Variants in VAV1 observed in about 807,000 individuals in gnomAD.
VAV1 encodes the protein vav guanine nucleotide exchange factor 1, also known as proto-oncogene vav.
A neutral mutation model predicts 128.1 loss-of-function variants in VAV1; 33 were observed. The ratio of observed to expected loss-of-function variants is 0.26; its 90% CI spans 0.20 to 0.34. VAV1 has a LOEUF of 0.34. VAV1 is among the 10% of genes least tolerant of loss of function. The pLI, the probability that VAV1 is intolerant of heterozygous loss-of-function variation, is 1.00. For missense variants in VAV1, 715 were observed against 1,093.7 expected, an observed-to-expected ratio of 0.65 and a Z score of 4.88; for synonymous variants, 394 against 409.8, an observed-to-expected ratio of 0.96 and a Z score of 0.47.
intron 6 of VAV1, among the ~76,000 whole-genome samples, chr19:6,824,648 C>T (rs1306323661): frequency 2.6e-5 from 4 of 152,064 alleles, no homozygotes; most frequent in African/African-American, 9.7e-5. Context: ...TCTCCTGCTT[C>T]AGCCTCCTGA....
At chr19:6,804,763 G>A (rs548073954) in intron 1 of VAV1, among the ~76,000 whole-genome samples, 36 of 141,152 alleles carry the variant, frequency 2.6e-4, no homozygotes, top group Admixed American at 2.3e-3. Flanking sequence ...TTGCTCTGTC[G>A]CACAGGCTGG....
intron 22 of VAV1, among the ~76,000 whole-genome samples, chr19:6,845,187 C>T (rs1972489073): frequency 6.6e-6 from 1 of 152,012 alleles, no homozygotes; most frequent in African/African-American, 2.4e-5. Context: ...TCAAGACCAG[C>T]CTGGGCAACA....
intron 1 of VAV1, among the ~76,000 whole-genome samples, chr19:6,800,392 C>T (rs1971239890): frequency 6.6e-6 from 1 of 151,820 alleles, no homozygotes; most frequent in African/African-American, 2.4e-5. Context: ...TCACTGCAAC[C>T]TCTGCCTCCT....
chr19:6,798,101 AC>A (rs1212349294), intron 1 of VAV1, among the ~76,000 whole-genome samples: 3 of 152,058 alleles, frequency 2.0e-5, no homozygotes, highest in Non-Finnish European at 4.4e-5. Context: ...ACATGGTGAG[AC>A]CCTGTCTGTA....
At chr19:6,831,958 A>G in intron 14 of VAV1, 133 bp from the exon 15 acceptor site, 1 of 666,266 alleles carries the variant, frequency 1.5e-6, no homozygotes, top group Non-Finnish European at 2.5e-6. Context: ...TTACAAGGAT[A>G]TCCATGCATG....
rs1281760644 is a variant in VAV1 at position 6,777,960 on chromosome 19, C to G, written c.204+4949C>G. ...GGATTACAGGCGCCTGCCACCACGC[C>G]TGGCTAATTTCTGTTGCCCAGGCTG... On this transcript the variant is annotated intron_variant, in intron 1 of 26. Coordinates refer to ENST00000602142, the MANE Select transcript of VAV1 (RefSeq NM_005428.4). This position sits in a 1 kb window ranked among gnomAD's most constrained non-coding sequence, Gnocchi z 4.4. 6.6e-6 allele frequency among the ~76,000 whole-genome samples: 1 copy of G among 152,056 alleles called. No homozygotes were observed. The highest frequency in any genetic ancestry group is 2.4e-5 in the African/African-American group (1 of 41,414).
At chr19:6,825,183 C>T (rs1599658559) in intron 7 of VAV1, 62 bp downstream of exon 7, 1 of 1,583,152 alleles carries the variant, frequency 6.3e-7, no homozygotes, top group East Asian at 2.2e-5. Context: ...GCTGCCCCTA[C>T]CTCTCCCTGG....
At chr19:6,773,096 C>T (rs535038652) in intron 1 of VAV1, 85 bp downstream of exon 1, 6 of 1,535,936 alleles carry the variant, frequency 3.9e-6, no homozygotes, top group African/African-American at 2.7e-5. Context: ...ACGTGCTGCT[C>T]CACCTCTGGG....
chr19:6,792,884 C>T (rs1971046863), intron 1 of VAV1, among the ~76,000 whole-genome samples: 1 of 152,086 alleles, frequency 6.6e-6, no homozygotes, highest in African/African-American at 2.4e-5. Context: ...TTCTGAGTGT[C>T]TTCCAATGCC....
intron 22 of VAV1, 108 bp from the exon 23 acceptor site, chr19:6,847,890 C>A: frequency 9.6e-7 from 1 of 1,036,924 alleles, no homozygotes; most frequent in Non-Finnish European, 1.3e-6. Flanking sequence ...AGGCTGTCAC[C>A]AACTTAAAAA....
rs1412280745 is a variant in VAV1, at chr19:6,825,268, C to T, written c.724-35C>T. The T allele has an allele frequency of 1.9e-6, 3 of 1,595,086 alleles. No individual in the cohort carries two copies. In the African/African-American group the frequency reaches 4.0e-5, roughly 21 times the overall value. On this transcript the variant is annotated intron_variant, in intron 7 of 26. Transcript: ENST00000602142. ...CCTTCCTGGCCCCCTGAGCCCTGGG[C>T]TCTGGTCCCAGCCCTCACCCTTCCC...
Position 6,836,429 on chromosome 19 carries a change from C to T in VAV1, c.1778-3C>T. 6.2e-7 allele frequency: 1 copy of T among 1,613,956 alleles called. No homozygotes were observed. The highest frequency in any genetic ancestry group is 8.5e-7 in the Non-Finnish European group (1 of 1,179,912). ...CCCTGTACTCCTGTACCCTGTCCTC[C>T]AGGTCTGCCCAAGATGGAGGTGTTT... On this transcript the variant is annotated splice_polypyrimidine_tract_variant and splice_region_variant and intron_variant, in intron 19 of 26. Coordinates refer to ENST00000602142, the MANE Select transcript of VAV1 (RefSeq NM_005428.4).
At chr19:6,816,484 C>G (rs926593483) in intron 1 of VAV1, 1 of 149,838 alleles carries the variant, frequency 6.7e-6, no homozygotes, top group Non-Finnish European at 1.5e-5. Context: ...GAGAGCATCT[C>G]TCTCTCGCTC....
At chr19:6,786,675 C>G (rs8112905) in intron 1 of VAV1, among the ~76,000 whole-genome samples, 3,128 of 152,054 alleles carry the variant, frequency 0.021, 116 homozygotes, top group African/African-American at 0.072. Context: ...CCCAGCTACT[C>G]AAGAGGCTGA....
Position 6,777,317 on chromosome 19 carries a change from TTGG to T in VAV1, c.204+4309_204+4311del, listed in dbSNP as rs1208285514. 2.6e-5 allele frequency among the ~76,000 whole-genome samples: 4 copies of T among 152,160 alleles called. No homozygotes were observed. Among genetic ancestry groups the T allele is most frequent in the Non-Finnish European group, 4.4e-5 (3 of 68,032 alleles). ...TGACAAGGTCTGCCAGGCCCTGTTC[TTGG>T]TGCTGGGGACAGTGGGAATAGCACA... On this transcript the variant is annotated intron_variant, in intron 1 of 26. Coordinates refer to ENST00000602142, the MANE Select transcript of VAV1 (RefSeq NM_005428.4). This position sits in a 1 kb window ranked among gnomAD's most constrained non-coding sequence, Gnocchi z 4.4.
chr19:6,856,577 A>G (rs1257817468), intron 26 of VAV1, among the ~76,000 whole-genome samples: 1 of 151,392 alleles, frequency 6.6e-6, no homozygotes, highest in Non-Finnish European at 1.5e-5. Flanking sequence ...CAAAAAAATT[A>G]GCCGGGTGTG....
chr19:6,829,955 G>A (rs1972015904), intron 14 of VAV1, 37 bp downstream of exon 14: 2 of 1,612,976 alleles, frequency 1.2e-6, no homozygotes, highest in Admixed American at 1.7e-5. Flanking sequence ...GGTCCTCCAC[G>A]CAGTCGGCAG....
intron 24 of VAV1, among the ~76,000 whole-genome samples, chr19:6,852,712 C>G (rs1972697729): frequency 6.7e-6 from 1 of 148,154 alleles, no homozygotes; most frequent in Non-Finnish European, 1.5e-5. Context: ...CAGAGCCAGA[C>G]TCCGTCTCAA....
At chr19:6,805,021 G>GC (rs1157318751) in intron 1 of VAV1, among the ~76,000 whole-genome samples, 2 of 151,126 alleles carry the variant, frequency 1.3e-5, no homozygotes, top group Non-Finnish European at 1.5e-5. Context: ...GTGAGCCACC[G>GC]CCCCCCGGCC....
Sources: gnomAD v4.1 joint callset for allele counts (sites outside exome capture counted in the v4.1 genomes callset) on GRCh38, gnomAD v4.1.1 for gene constraint, Gnocchi (gnomAD v3.1) non-coding constraint, MANE v1.5 for transcripts, NCBI Gene and HGNC (gene_info 2026-07-23, HGNC 2026-07-21) for gene names.